DIRAS2: variants seen among roughly 807,000 people sequenced by gnomAD.
DIRAS2 encodes the protein GTP-binding protein Di-Ras2.
In DIRAS2, 5 loss-of-function variants were observed where a neutral mutation model predicts 13.9. The observed-to-expected ratio is 0.36, with a 90% confidence interval of 0.19 to 0.76. DIRAS2 has a LOEUF of 0.76. Ranked by LOEUF, DIRAS2 falls within the 30% of genes least tolerant of loss-of-function variation. The pLI is 0.53. For synonymous variants in DIRAS2, 111 were observed against 105.4 expected, an observed-to-expected ratio of 1.05 and a Z score of -0.33; for missense variants, 191 against 263.0, an observed-to-expected ratio of 0.73 and a Z score of 1.89.
In DIRAS2 at chr9:90,611,568, C is replaced by T. The variant is rs1428845402; in HGVS notation, c.*1660G>A. On this transcript the variant is annotated 3_prime_UTR_variant, in exon 2 of 2. Transcript: ENST00000375765. ...GCTTTGGGGGATGGAGATGGCCACACTGCTGCTGCTGCAAGCCCTGCATAG... is the reference window on the plus strand; with the variant it reads ...GCTTTGGGGGATGGAGATGGCCACATTGCTGCTGCTGCAAGCCCTGCATAG... The T allele has an allele frequency of 6.6e-6, 1 of 152,456 alleles. No homozygotes were observed. The highest frequency in any genetic ancestry group is 2.4e-5 in the African/African-American group (1 of 41,464). 9.4% of individuals were successfully genotyped at this position (152,456 alleles called of 1,614,324 possible). A position where few individuals can be genotyped will look rare whatever the true frequency, so the allele number is the denominator to read the frequency against.
intron 1 of DIRAS2, among the ~76,000 whole-genome samples, chr9:90,639,592 T>C (rs1825400609): frequency 6.6e-6 from 1 of 152,222 alleles, no homozygotes; most frequent in African/African-American, 2.4e-5. Flanking sequence ...GGGGCAGTAC[T>C]TCTTGGGATA....
At chr9:90,624,559 G>A (rs565846983) in intron 1 of DIRAS2, among the ~76,000 whole-genome samples, 42 of 152,266 alleles carry the variant, frequency 2.8e-4, no homozygotes, top group African/African-American at 9.1e-4. Flanking sequence ...GGCGGGGATA[G>A]CATAAATTAT....
chr9:90,621,930 T>A (rs1177553144), intron 1 of DIRAS2, among the ~76,000 whole-genome samples: 1 of 152,220 alleles, frequency 6.6e-6, no homozygotes, highest in Non-Finnish European at 1.5e-5. Flanking sequence ...TATATATGTG[T>A]TCTGTGCTTT....
At chr9:90,623,278 AGT>A (rs1825236499) in intron 1 of DIRAS2, among the ~76,000 whole-genome samples, 1 of 152,078 alleles carries the variant, frequency 6.6e-6, no homozygotes, top group Non-Finnish European at 1.5e-5. Context: ...AGGTAGCTGG[AGT>A]GTGAGTACTC....
At chr9:90,628,261 T>C (rs1825290537) in intron 1 of DIRAS2, among the ~76,000 whole-genome samples, 1 of 152,324 alleles carries the variant, frequency 6.6e-6, no homozygotes, top group East Asian at 1.9e-4. Flanking sequence ...TGCAGCTGGC[T>C]GAACTGAAAT....
At chr9:90,641,666 C>G (rs1380105768) in intron 1 of DIRAS2, among the ~76,000 whole-genome samples, 1 of 152,184 alleles carries the variant, frequency 6.6e-6, no homozygotes, top group Non-Finnish European at 1.5e-5. Flanking sequence ...CTCCCTCCCC[C>G]TCCACCTCCT....
intron 1 of DIRAS2, among the ~76,000 whole-genome samples, chr9:90,616,709 C>G (rs1003784572): frequency 7.4e-6 from 1 of 134,458 alleles, no homozygotes; most frequent in Non-Finnish European, 1.5e-5. Flanking sequence ...CGCACTCCAG[C>G]CTGGGTGACA....
chr9:90,622,942 C>G (rs974462664), intron 1 of DIRAS2, among the ~76,000 whole-genome samples: 1 of 152,168 alleles, frequency 6.6e-6, no homozygotes, highest in South Asian at 2.1e-4. Flanking sequence ...TATCTTTTCT[C>G]TTTCTGAAAC....
At chr9:90,623,179 C>A (rs1016497401) in intron 1 of DIRAS2, among the ~76,000 whole-genome samples, 1 of 151,920 alleles carries the variant, frequency 6.6e-6, no homozygotes, top group Non-Finnish European at 1.5e-5. Context: ...CATTTTAATC[C>A]TTTTTTTTCA....
chr9:90,628,687 A>C (rs1587724561), intron 1 of DIRAS2, among the ~76,000 whole-genome samples: 1 of 152,002 alleles, frequency 6.6e-6, no homozygotes, highest in Middle Eastern at 3.2e-3. Context: ...CTGGGACTAC[A>C]GGCTCATGCC....
At chr9:90,636,699 G>T (rs1410220458) in intron 1 of DIRAS2, among the ~76,000 whole-genome samples, 1 of 152,192 alleles carries the variant, frequency 6.6e-6, no homozygotes, top group Non-Finnish European at 1.5e-5. Flanking sequence ...TTGTGATCAA[G>T]TGTTAACAAA....
At chr9:90,641,385 C>G (rs2118593852) in intron 1 of DIRAS2, among the ~76,000 whole-genome samples, 1 of 152,318 alleles carries the variant, frequency 6.6e-6, no homozygotes. Flanking sequence ...CCCCTCCTTT[C>G]TCCTTCCTTT....
At chr9:90,618,204 T>C (rs1191057630) in intron 1 of DIRAS2, among the ~76,000 whole-genome samples, 1 of 152,218 alleles carries the variant, frequency 6.6e-6, no homozygotes, top group East Asian at 1.9e-4. Flanking sequence ...GAAATTGTGG[T>C]ACTAACACAG....
At chr9:90,630,624 C>T (rs931905853) in intron 1 of DIRAS2, among the ~76,000 whole-genome samples, 7 of 152,182 alleles carry the variant, frequency 4.6e-5, no homozygotes, top group African/African-American at 1.7e-4. Context: ...TTGCTAGTTA[C>T]TCTGTAGCAA....
chr9:90,619,702 C>T (rs1375979760), intron 1 of DIRAS2, among the ~76,000 whole-genome samples: 1 of 152,088 alleles, frequency 6.6e-6, no homozygotes, highest in Non-Finnish European at 1.5e-5. Context: ...TTTGTATATA[C>T]CCATGATAAA....
intron 1 of DIRAS2, among the ~76,000 whole-genome samples, chr9:90,630,721 T>G (rs1048569931): frequency 6.6e-6 from 1 of 152,230 alleles, no homozygotes; most frequent in African/African-American, 2.4e-5. Context: ...TTATTGATGT[T>G]TTCTGCTAGG....
intron 1 of DIRAS2, among the ~76,000 whole-genome samples, chr9:90,615,704 G>A (rs1039747846): frequency 4.6e-5 from 7 of 152,132 alleles, no homozygotes; most frequent in African/African-American, 1.7e-4. Flanking sequence ...ACATACTGGA[G>A]GGCATGGCAT....
At position 90,612,110 on chromosome 9, in the gene DIRAS2, G is replaced by T. The variant is rs1825120344; in HGVS notation, c.*1118C>A. 1 of 152,616 alleles carries T rather than the reference G, an allele frequency of 6.6e-6. No individual in the cohort carries two copies. Among genetic ancestry groups the T allele is most frequent in the African/African-American group, 2.4e-5 (1 of 41,430 alleles). The allele number at this position is 152,616 out of a possible 1,614,324, so 9.5% of individuals were successfully genotyped here. A position where few individuals can be genotyped will look rare whatever the true frequency, so the allele number is the denominator to read the frequency against. Reference sequence around the variant, plus strand: ...GACACGTATAATGGAACATGCAAGAGAATTTACTATTATTTAAATGCATTT... The same window carrying T: ...GACACGTATAATGGAACATGCAAGATAATTTACTATTATTTAAATGCATTT... On this transcript the variant is annotated 3_prime_UTR_variant, in exon 2 of 2. Coordinates refer to ENST00000375765, the MANE Select transcript of DIRAS2 (RefSeq NM_017594.5).
chr9:90,626,441 TAA>T (rs35821705), intron 1 of DIRAS2, among the ~76,000 whole-genome samples: 59 of 134,972 alleles, frequency 4.4e-4, no homozygotes, highest in Non-Finnish European at 6.9e-4. Context: ...CCCCATTTCT[TAA>T]AAAAAAAAAA....
Sources: gnomAD v4.1 joint callset for allele counts (sites outside exome capture counted in the v4.1 genomes callset) on GRCh38, gnomAD v4.1.1 for gene constraint, MANE v1.5 for transcripts, NCBI Gene and HGNC (gene_info 2026-07-23, HGNC 2026-07-21) for gene names.